The following LRRC37A2 variants were observed in gnomAD, a reference collection of about 807,000 sequenced individuals.
LRRC37A2 encodes the protein leucine rich repeat containing 37 member A2.
Under a neutral mutation model 68.8 loss-of-function variants are expected in LRRC37A2, and 9 were observed. The observed-to-expected ratio is 0.13, with a 90% CI of 0.08 to 0.23. The LOEUF (loss-of-function observed/expected upper bound fraction) is 0.23. LRRC37A2 is among the 10% of genes least tolerant of loss of function. The probability of loss-of-function intolerance (pLI) is 1.00; values close to 1 mark genes in which losing one functional copy is unlikely to be tolerated. For missense variants in LRRC37A2, 168 were observed against 950.4 expected, an observed-to-expected ratio of 0.18 and a Z score of 10.82; for synonymous variants, 63 against 367.6, an observed-to-expected ratio of 0.17 and a Z score of 9.48.
the LRRC37A2 span, among the ~76,000 whole-genome samples, chr17:46,892,589 C>G: frequency 6.6e-6 from 1 of 152,330 alleles, no homozygotes; most frequent in African/African-American, 2.4e-5. Context: ...TCCATCTGTC[C>G]ATCTCTCTCC....
At chr17:46,876,658 C>G in the LRRC37A2 span, 1 of 1,601,738 alleles carries the variant, frequency 6.2e-7, no homozygotes, top group Non-Finnish European at 8.5e-7. Context: ...TGCAGTGGTG[C>G]TGCTACGTGG....
chr17:46,980,389 T>C, the LRRC37A2 span, among the ~76,000 whole-genome samples: 1 of 151,410 alleles, frequency 6.6e-6, no homozygotes, highest in Non-Finnish European at 1.5e-5. Flanking sequence ...TCTTCTTTCT[T>C]TCTCTTCTTT....
the LRRC37A2 span, chr17:46,755,855 G>A: frequency 6.2e-7 from 1 of 1,607,882 alleles, no homozygotes; most frequent in South Asian, 1.1e-5. Context: ...CAGTGACCAA[G>A]GGAAGTGACC....
chr17:46,761,981 C>A, the LRRC37A2 span, among the ~76,000 whole-genome samples: 4 of 152,368 alleles, frequency 2.6e-5, no homozygotes, highest in African/African-American at 9.6e-5. Context: ...GCCCACAGCC[C>A]AGGGCACACG....
the LRRC37A2 span, among the ~76,000 whole-genome samples, chr17:46,896,450 GAAAA>G: frequency 1.8e-5 from 1 of 54,804 alleles, no homozygotes; most frequent in Non-Finnish European, 4.4e-5. Flanking sequence ...AAGAAAGAAA[GAAAA>G]AGAAAGAAAG....
chr17:46,912,944 C>T, the LRRC37A2 span, among the ~76,000 whole-genome samples: 1 of 152,340 alleles, frequency 6.6e-6, no homozygotes, highest in South Asian at 2.1e-4. Flanking sequence ...CAAGCTTGGC[C>T]AGCTTAGGCA....
At chr17:46,792,257 G>A in the LRRC37A2 span, among the ~76,000 whole-genome samples, 1 of 152,182 alleles carries the variant, frequency 6.6e-6, no homozygotes, top group Admixed American at 6.5e-5. Context: ...CCTCCAGAGG[G>A]GGGATGACGT....
chr17:47,038,242 A>G, the LRRC37A2 span, among the ~76,000 whole-genome samples: 4 of 152,250 alleles, frequency 2.6e-5, no homozygotes, highest in Admixed American at 1.3e-4. Flanking sequence ...TCAGGGCTGC[A>G]GTGAGCCATG....
At chr17:46,922,969 C>A in the LRRC37A2 span, 3 of 603,578 alleles carry the variant, frequency 5.0e-6, no homozygotes, top group Non-Finnish European at 5.9e-6. Flanking sequence ...TTGCCCTTCA[C>A]GTGAAGCCGA....
the LRRC37A2 span, among the ~76,000 whole-genome samples, chr17:46,906,392 G>T: frequency 6.6e-6 from 1 of 152,188 alleles, no homozygotes. Flanking sequence ...ACACCAGGAA[G>T]GTGGGGAATA....
the LRRC37A2 span, among the ~76,000 whole-genome samples, chr17:46,720,348 G>A: frequency 5.9e-5 from 9 of 152,116 alleles, no homozygotes; most frequent in African/African-American, 2.2e-4. Context: ...GGAGGCTGGT[G>A]CAGAACTTTC....
chr17:46,969,054 C>A, the LRRC37A2 span: 74 of 152,734 alleles, frequency 4.8e-4, no homozygotes, highest in African/African-American at 1.6e-3. Flanking sequence ...GCTTCTCATG[C>A]TGGATGCAGC....
At chr17:46,836,095 C>CACGT in the LRRC37A2 span, among the ~76,000 whole-genome samples, 671 of 126,502 alleles carry the variant, frequency 5.3e-3, 9 homozygotes, top group African/African-American at 0.021. Context: ...GAGACGCTGA[C>CACGT]GTGTGTGTGT....
chr17:46,918,886 T>C, the LRRC37A2 span, among the ~76,000 whole-genome samples: 4 of 152,322 alleles, frequency 2.6e-5, no homozygotes, highest in Admixed American at 2.6e-4. Flanking sequence ...GTACGCTGTT[T>C]CCTCTTCCTG....
the LRRC37A2 span, among the ~76,000 whole-genome samples, chr17:46,392,397 T>C: frequency 8.6e-5 from 4 of 46,374 alleles, 1 homozygote; most frequent in Non-Finnish European, 1.8e-4. Context: ...CTTTCTCTCT[T>C]TCTTTCTTTC....
the LRRC37A2 span, among the ~76,000 whole-genome samples, chr17:46,739,230 G>T: frequency 1.3e-5 from 2 of 152,060 alleles, no homozygotes; most frequent in Non-Finnish European, 2.9e-5. Context: ...AATTAGCCAG[G>T]CATGGTGACA....
the LRRC37A2 span, among the ~76,000 whole-genome samples, chr17:46,786,703 GCT>G: frequency 1.3e-5 from 2 of 152,324 alleles, no homozygotes; most frequent in Non-Finnish European, 2.9e-5. Flanking sequence ...GGGGTGCCGT[GCT>G]CTCTGTTACT....
At chr17:46,885,094 T>A in the LRRC37A2 span, 2 of 436,064 alleles carry the variant, frequency 4.6e-6, no homozygotes, top group Non-Finnish European at 4.6e-6. Flanking sequence ...ATTCAAGCGA[T>A]TCTCCCGTCT....
At chr17:46,932,962 T>G in the LRRC37A2 span, 1 of 152,458 alleles carries the variant, frequency 6.6e-6, no homozygotes, top group East Asian at 1.9e-4. Flanking sequence ...TTTCCTGCTT[T>G]GTAGATGTTT....
Sources: allele counts gnomAD v4.1 joint callset (sites outside exome capture counted in the v4.1 genomes callset), GRCh38; gene constraint gnomAD v4.1.1; transcripts MANE v1.5; gene names NCBI Gene and HGNC (gene_info 2026-07-23, HGNC 2026-07-21).